IL1RAPL1: variants seen among roughly 807,000 people sequenced by gnomAD.
IL1RAPL1 encodes the protein interleukin-1 receptor accessory protein-like 1.
IL1RAPL1 carries 3 observed loss-of-function variants against 48.4 expected under a neutral mutation model. That is an observed-to-expected ratio of 0.06 (90% confidence interval 0.03 to 0.16). IL1RAPL1 has a LOEUF of 0.16. Among genes scored for constraint, IL1RAPL1 ranks in the 10% least tolerant of loss-of-function variants. The probability of loss-of-function intolerance (pLI) is 1.00; values close to 1 mark genes in which losing one functional copy is unlikely to be tolerated. For synonymous variants in IL1RAPL1, 185 were observed against 187.7 expected (o/e 0.99, Z 0.12); for missense variants, 349 against 530.6 (o/e 0.66, Z 3.36).
At chrX:28,592,611 T>C (rs965450072) in intron 1 of IL1RAPL1, among the ~76,000 whole-genome samples, 1 of 111,982 alleles carries the variant, frequency 8.9e-6, no homozygotes, top group Non-Finnish European at 1.9e-5. Context: ...TGATATGAGC[T>C]TCCATGTATG....
intron 6 of IL1RAPL1, among the ~76,000 whole-genome samples, chrX:29,882,503 T>C (rs1247645159): frequency 4.5e-5 from 5 of 111,947 alleles, no homozygotes; most frequent in Non-Finnish European, 1.9e-5. Context: ...AACAGTCATT[T>C]TCTGTAACAG....
chrX:29,689,257 T>C (rs772235692), intron 6 of IL1RAPL1, among the ~76,000 whole-genome samples: 2 of 111,782 alleles, frequency 1.8e-5, no homozygotes, highest in South Asian at 3.7e-4. Context: ...CATACCTTTT[T>C]TAAACTATGG....
chrX:29,103,875 C>T (rs1928394758), intron 2 of IL1RAPL1, among the ~76,000 whole-genome samples: 1 of 111,865 alleles, frequency 8.9e-6, no homozygotes, highest in Admixed American at 9.5e-5. Context: ...AAAAGGTACT[C>T]AACATCACTG....
At chrX:29,174,150 C>T (rs1357755769) in intron 2 of IL1RAPL1, among the ~76,000 whole-genome samples, 1 of 110,845 alleles carries the variant, frequency 9.0e-6, no homozygotes, top group Non-Finnish European at 1.9e-5. Context: ...TCTCGAACTC[C>T]CAACCTCAGG....
intron 5 of IL1RAPL1, among the ~76,000 whole-genome samples, chrX:29,430,609 GTGTGTGTA>G (rs1250549849): frequency 0.013 from 1,417 of 109,606 alleles, 19 homozygotes; most frequent in African/African-American, 0.045. Flanking sequence ...GTGTGTGTGT[GTGTGTGTA>G]TGTGTATGTT....
intron 3 of IL1RAPL1, among the ~76,000 whole-genome samples, chrX:29,329,854 A>G (rs1427139771): frequency 4.5e-5 from 5 of 110,520 alleles, no homozygotes; most frequent in Admixed American, 2.9e-4. Flanking sequence ...ATGTTACAAC[A>G]TTGCTGACCC....
At chrX:29,057,759 T>A (rs1230469760) in intron 2 of IL1RAPL1, among the ~76,000 whole-genome samples, 1 of 111,758 alleles carries the variant, frequency 8.9e-6, no homozygotes. Context: ...CTGATTCACA[T>A]TTATTAAATA....
intron 2 of IL1RAPL1, among the ~76,000 whole-genome samples, chrX:29,266,162 C>A (rs1931952656): frequency 9.0e-6 from 1 of 111,458 alleles, no homozygotes; most frequent in Admixed American, 9.6e-5. Context: ...AAGACACATG[C>A]ACACGTATAT....
chrX:29,745,910 G>GTTA (rs1928326934), intron 6 of IL1RAPL1, among the ~76,000 whole-genome samples: 1 of 111,643 alleles, frequency 9.0e-6, no homozygotes, highest in African/African-American at 3.3e-5. Context: ...TCACTATCAA[G>GTTA]TTATTTTCGT....
At chrX:29,400,598 A>C (rs976135368) in intron 5 of IL1RAPL1, among the ~76,000 whole-genome samples, 5 of 112,188 alleles carry the variant, frequency 4.5e-5, no homozygotes, top group African/African-American at 1.3e-4. Context: ...AAAGGACATT[A>C]GCTGTTTTAA....
chrX:29,396,551 G>C (rs1933921487), intron 4 of IL1RAPL1, 107 bp downstream of exon 4: 1 of 721,430 alleles, frequency 1.4e-6, no homozygotes, highest in Non-Finnish European at 2.2e-6. Context: ...GTTTAGCTTT[G>C]CCTTTCTAGA....
chrX:28,817,843 T>G (rs745872358), intron 2 of IL1RAPL1, among the ~76,000 whole-genome samples: 1 of 110,916 alleles, frequency 9.0e-6, no homozygotes, highest in African/African-American at 3.3e-5. Flanking sequence ...TATAGCTGAA[T>G]GATGGATGTG....
intron 1 of IL1RAPL1, among the ~76,000 whole-genome samples, chrX:28,632,836 C>T (rs984870611): frequency 9.3e-6 from 1 of 107,361 alleles, no homozygotes; most frequent in Admixed American, 1.0e-4. Flanking sequence ...CTATAGCCAA[C>T]TTGTTATGAT....
At chrX:28,875,182 T>C (rs1922336396) in intron 2 of IL1RAPL1, among the ~76,000 whole-genome samples, 1 of 112,227 alleles carries the variant, frequency 8.9e-6, no homozygotes, top group African/African-American at 3.2e-5. Flanking sequence ...AAAGAGCACA[T>C]TGGCTTTATT....
chrX:28,903,087 G>T (rs2147327357), intron 2 of IL1RAPL1, among the ~76,000 whole-genome samples: 1 of 111,637 alleles, frequency 9.0e-6, no homozygotes. Context: ...AGTAGGAAAT[G>T]AAGCTTCAGT....
At chrX:29,518,940 G>A (rs778333694) in intron 5 of IL1RAPL1, among the ~76,000 whole-genome samples, 3 of 112,212 alleles carry the variant, frequency 2.7e-5, no homozygotes, top group Admixed American at 9.4e-5. Context: ...TAGCAGGTGA[G>A]ATGGTGAGAA....
In IL1RAPL1 at chrX:28,998,587, G is replaced by C. The variant is rs111249823; in HGVS notation, c.82+209162G>C. Among the ~76,000 whole-genome samples the C allele has an allele frequency of 8.0e-4, 89 of 111,900 alleles. No homozygotes were observed. The Middle Eastern group carries it at 0.014, about 17-fold the overall frequency. On this transcript the variant is annotated intron_variant, in intron 2 of 10. Transcript: ENST00000378993. ...TAAAATGTTATTTTGCATTCCCATC[G>C]TATTGATTTTAAATTGAAACTCAAT...
intron 3 of IL1RAPL1, among the ~76,000 whole-genome samples, chrX:29,345,066 G>A (rs903592896): frequency 6.2e-5 from 7 of 112,518 alleles, no homozygotes; most frequent in African/African-American, 2.3e-4. Flanking sequence ...ACATTTAATC[G>A]TTTCCTTATT....
chrX:28,619,361 G>A (rs1934256502), intron 1 of IL1RAPL1, among the ~76,000 whole-genome samples: 1 of 110,265 alleles, frequency 9.1e-6, no homozygotes, highest in African/African-American at 3.3e-5. Context: ...TTGGGAGGCC[G>A]AGACGAGTGG....
Sources: allele counts gnomAD v4.1 joint callset (sites outside exome capture counted in the v4.1 genomes callset), GRCh38; gene constraint gnomAD v4.1.1; transcripts MANE v1.5; gene names NCBI Gene and HGNC (gene_info 2026-07-23, HGNC 2026-07-21).